Variants in SBSPON observed in about 807,000 individuals in gnomAD.
The protein encoded by SBSPON is somatomedin B and thrombospondin type 1 domain containing.
Under a neutral mutation model 35.8 loss-of-function variants are expected in SBSPON, and 30 were observed. The ratio of observed to expected loss-of-function variants is 0.84; its 90% CI spans 0.63 to 1.14. The LOEUF (loss-of-function observed/expected upper bound fraction) is 1.14. SBSPON is among the 50% of genes most tolerant of loss of function. The pLI is 0.00. For synonymous variants in SBSPON, 136 were observed against 135.9 expected, an observed-to-expected ratio of 1.00 and a Z score of 0.00; for missense variants, 364 against 357.7, an observed-to-expected ratio of 1.02 and a Z score of -0.14.
chr8:73,081,406 A>G (rs1181384541), intron 1 of SBSPON, among the ~76,000 whole-genome samples, 193 bp from the exon 2 acceptor site: 1 of 152,158 alleles, frequency 6.6e-6, no homozygotes, highest in African/African-American at 2.4e-5. Context: ...CCGATGGTGA[A>G]TTGATAACCT....
intron 1 of SBSPON, among the ~76,000 whole-genome samples, chr8:73,081,516 T>C (rs548055608): frequency 7.0e-4 from 106 of 152,160 alleles, no homozygotes; most frequent in Non-Finnish European, 1.0e-3. Context: ...TCAGGGGAAT[T>C]TCTCATACTC....
chr8:73,081,330 C>A, intron 1 of SBSPON, 117 bp from the exon 2 acceptor site: 2 of 808,956 alleles, frequency 2.5e-6, no homozygotes, highest in Middle Eastern at 3.9e-4. Flanking sequence ...GGCCCCAGGC[C>A]CTGTATCAGG....
At position 73,067,393 on chromosome 8, in the gene SBSPON, C is replaced by T. The variant is rs149127771; in HGVS notation, c.743G>A (p.Arg248Gln). Residue 248 changes from arginine to glutamine, a missense_variant, in exon 5 of 5, where the codon CGG (arginine) becomes CAG (glutamine). Coordinates refer to ENST00000297354, the MANE Select transcript of SBSPON (RefSeq NM_153225.4). The stretch of plus-strand genomic sequence containing the variant: ...TGGACAAGAACACTGGTCTACTCGC[C>T]GAACTTTTTTCCAAGTTCCTTGACA... ...PRCQGTWKKVRRVDQCSCPAV... is the reference protein window; with the variant it reads ...PRCQGTWKKVQRVDQCSCPAV... 8 of 1,611,892 alleles carry T rather than the reference C, an allele frequency of 5.0e-6. No homozygotes were observed. Among genetic ancestry groups the T allele is most frequent in the South Asian group, 3.3e-5 (3 of 91,014 alleles).
intron 1 of SBSPON, among the ~76,000 whole-genome samples, chr8:73,085,010 A>T (rs1810796808): frequency 6.6e-6 from 1 of 152,186 alleles, no homozygotes; most frequent in Non-Finnish European, 1.5e-5. Context: ...TCCTCCCTAG[A>T]TAATGTTCTA....
At chr8:73,083,479 T>C (rs1445523171) in intron 1 of SBSPON, among the ~76,000 whole-genome samples, 1 of 152,232 alleles carries the variant, frequency 6.6e-6, no homozygotes, top group Non-Finnish European at 1.5e-5. Context: ...TTTTGATTAT[T>C]TGGATTGCAA....
At chr8:73,086,908 G>A (rs1729922730) in intron 1 of SBSPON, among the ~76,000 whole-genome samples, 1 of 152,202 alleles carries the variant, frequency 6.6e-6, no homozygotes, top group Non-Finnish European at 1.5e-5. Context: ...ATCTTTTATA[G>A]AGGAAATGTG....
intron 1 of SBSPON, among the ~76,000 whole-genome samples, chr8:73,091,253 C>T (rs903837482): frequency 2.0e-5 from 3 of 152,248 alleles, no homozygotes; most frequent in Non-Finnish European, 2.9e-5. Flanking sequence ...GGCCCAGGCT[C>T]GCCCATTACT....
chr8:73,088,967 G>A (rs1370902651), intron 1 of SBSPON, among the ~76,000 whole-genome samples: 1 of 152,166 alleles, frequency 6.6e-6, no homozygotes, highest in Non-Finnish European at 1.5e-5. Context: ...CCAAATGCTT[G>A]AGGCAGTTGA....
intron 1 of SBSPON, among the ~76,000 whole-genome samples, chr8:73,089,187 G>T (rs1201066544): frequency 6.6e-6 from 1 of 152,208 alleles, no homozygotes; most frequent in Non-Finnish European, 1.5e-5. Context: ...TTATGAAAAA[G>T]CTTTCAAATG....
At chr8:73,075,823 T>C (rs6472728) in intron 2 of SBSPON, 248,169 of 762,244 alleles carry the variant, frequency 0.33, 41,924 homozygotes, top group African/African-American at 0.47. Context: ...TAATGCACAT[T>C]GATCTCCTTT....
chr8:73,091,560 C>T (rs900616384), intron 1 of SBSPON, among the ~76,000 whole-genome samples: 2 of 152,142 alleles, frequency 1.3e-5, no homozygotes, highest in Non-Finnish European at 2.9e-5. Context: ...GAAATGAGGC[C>T]GACAGTTTAG....
chr8:73,076,459 C>T (rs1034626338), intron 2 of SBSPON, among the ~76,000 whole-genome samples: 1 of 152,040 alleles, frequency 6.6e-6, no homozygotes, highest in African/African-American at 2.4e-5. Flanking sequence ...AGAACTTGGC[C>T]AGCAGGGCGA....
chr8:73,075,485 A>C (rs1352303940), intron 2 of SBSPON, among the ~76,000 whole-genome samples: 3 of 152,230 alleles, frequency 2.0e-5, no homozygotes, highest in Non-Finnish European at 2.9e-5. Flanking sequence ...CCTGGGACAA[A>C]GGCCCCCAAT....
At chr8:73,079,583 A>G (rs1411095199) in intron 2 of SBSPON, among the ~76,000 whole-genome samples, 2 of 150,540 alleles carry the variant, frequency 1.3e-5, no homozygotes, top group Non-Finnish European at 3.0e-5. Flanking sequence ...AGCCCCACAT[A>G]CCTCAGCCCC....
chr8:73,073,093 G>C (rs1438565473), intron 2 of SBSPON, among the ~76,000 whole-genome samples: 1 of 152,164 alleles, frequency 6.6e-6, no homozygotes, highest in Non-Finnish European at 1.5e-5. Context: ...GCAGGGTTTT[G>C]CCTTGTCCAT....
chr8:73,088,835 T>C (rs541512406), intron 1 of SBSPON, among the ~76,000 whole-genome samples: 3 of 152,230 alleles, frequency 2.0e-5, no homozygotes, highest in Non-Finnish European at 4.4e-5. Context: ...ATTGGCAGTC[T>C]GAAATCAGGC....
At chr8:73,074,750 T>A (rs1050226548) in intron 2 of SBSPON, among the ~76,000 whole-genome samples, 3 of 152,180 alleles carry the variant, frequency 2.0e-5, no homozygotes, top group African/African-American at 4.8e-5. Context: ...GTATCTGGAG[T>A]CACCTCAGTC....
chr8:73,083,136 G>A (rs189774117), intron 1 of SBSPON, among the ~76,000 whole-genome samples: 12 of 152,170 alleles, frequency 7.9e-5, no homozygotes, highest in African/African-American at 2.2e-4. Flanking sequence ...TCTTGTATTC[G>A]GTTTGGTCTC....
At position 73,081,192 on chromosome 8, in the gene SBSPON, T is replaced by TC. The variant is rs767327495; in HGVS notation, c.235dup (p.Glu79GlyfsTer95). The TC allele has an allele frequency of 6.3e-7, 1 of 1,587,726 alleles. No homozygotes were observed. The highest frequency in any genetic ancestry group is 2.3e-5 in the East Asian group (1 of 43,582). ...TGCACAACCACTCCAGGGGCTCCAT[T>TC]CCCCCACGAAGCACGGGCGAGCTGA... On this transcript the variant is annotated frameshift_variant, in exon 2 of 5. Coordinates refer to ENST00000297354, the MANE Select transcript of SBSPON (RefSeq NM_153225.4). LOFTEE classifies it high-confidence loss of function.
Sources: allele counts gnomAD v4.1 joint callset (sites outside exome capture counted in the v4.1 genomes callset), GRCh38; gene constraint gnomAD v4.1.1; transcripts MANE v1.5; gene names NCBI Gene and HGNC (gene_info 2026-07-23, HGNC 2026-07-21).